Variants in ROBO2 observed in about 807,000 individuals in gnomAD.
ROBO2 encodes the protein roundabout homolog 2.
ROBO2 carries 53 observed loss-of-function variants against 160.8 expected under a neutral mutation model. The observed-to-expected ratio is 0.33, with a 90% CI of 0.26 to 0.41. The LOEUF (loss-of-function observed/expected upper bound fraction) is 0.41, where lower values mean the gene tolerates loss of function less well. ROBO2 is among the 10% of genes least tolerant of loss of function. The pLI, the probability that ROBO2 is intolerant of heterozygous loss-of-function variation, is 1.00. For missense variants in ROBO2, 1,577 were observed against 1,722.4 expected (o/e 0.92, Z 1.49); for synonymous variants, 664 against 611.7 (o/e 1.09, Z -1.26).
At chr3:76,409,020 G>T (rs2075356819) in intron 2 of ROBO2, among the ~76,000 whole-genome samples, 1 of 152,060 alleles carries the variant, frequency 6.6e-6, no homozygotes, top group Non-Finnish European at 1.5e-5. Context: ...GTATTAATAT[G>T]TGAATGACAA....
intron 2 of ROBO2, among the ~76,000 whole-genome samples, chr3:76,149,689 AAC>A (rs1343437784): frequency 3.1e-5 from 4 of 129,036 alleles, no homozygotes; most frequent in Non-Finnish European, 5.4e-5. Flanking sequence ...ATCTGTCTAA[AAC>A]ACACATCTGT....
At chr3:76,327,724 G>C (rs2073140888) in intron 2 of ROBO2, among the ~76,000 whole-genome samples, 1 of 152,128 alleles carries the variant, frequency 6.6e-6, no homozygotes, top group Non-Finnish European at 1.5e-5. Flanking sequence ...TGAATGTTAA[G>C]AAAAAGTAGG....
intron 2 of ROBO2, among the ~76,000 whole-genome samples, chr3:77,318,738 C>T (rs1435350255): frequency 6.6e-6 from 1 of 152,056 alleles, no homozygotes; most frequent in Non-Finnish European, 1.5e-5. Flanking sequence ...TGCCTAAATA[C>T]AATGCCTAGG....
intron 2 of ROBO2, among the ~76,000 whole-genome samples, chr3:77,221,790 T>C (rs1430955882): frequency 6.6e-6 from 1 of 152,082 alleles, no homozygotes; most frequent in Non-Finnish European, 1.5e-5. Flanking sequence ...AAATATGCTA[T>C]ATATTTGTTT....
At chr3:77,133,034 A>G (rs2075988690) in intron 2 of ROBO2, among the ~76,000 whole-genome samples, 1 of 152,170 alleles carries the variant, frequency 6.6e-6, no homozygotes, top group South Asian at 2.1e-4. Flanking sequence ...TACGAATAGG[A>G]GCATCTAAAT....
At chr3:76,995,986 T>G (rs1450886284) in intron 2 of ROBO2, among the ~76,000 whole-genome samples, 1 of 152,208 alleles carries the variant, frequency 6.6e-6, no homozygotes, top group African/African-American at 2.4e-5. Context: ...TTGGCTTTTG[T>G]TGCCATTGCT....
intron 2 of ROBO2, among the ~76,000 whole-genome samples, chr3:76,687,212 A>G (rs1208908259): frequency 6.6e-6 from 1 of 152,120 alleles, no homozygotes; most frequent in African/African-American, 2.4e-5. Context: ...GGTCAATAAT[A>G]CAGGCTCTGA....
At chr3:76,770,652 C>A (rs2061844155) in intron 2 of ROBO2, among the ~76,000 whole-genome samples, 1 of 150,932 alleles carries the variant, frequency 6.6e-6, no homozygotes, top group Non-Finnish European at 1.5e-5. Context: ...TATGGAGAAA[C>A]AAAGAATGTA....
At chr3:75,977,658 C>A (rs544795488) in intron 2 of ROBO2, among the ~76,000 whole-genome samples, 1 of 151,332 alleles carries the variant, frequency 6.6e-6, no homozygotes, top group Non-Finnish European at 1.5e-5. Flanking sequence ...GATGGATGAA[C>A]GCTCATGATA....
chr3:77,189,710 T>C (rs2081636410), intron 2 of ROBO2, among the ~76,000 whole-genome samples: 1 of 151,934 alleles, frequency 6.6e-6, no homozygotes, highest in East Asian at 1.9e-4. Flanking sequence ...AAAAATATAT[T>C]TTAGAGGCAA....
intron 2 of ROBO2, among the ~76,000 whole-genome samples, chr3:76,149,104 T>G (rs563908168): frequency 2.0e-5 from 3 of 152,098 alleles, no homozygotes; most frequent in African/African-American, 7.2e-5. Context: ...GTGTGTGTGA[T>G]AAAAACTGAT....
At chr3:77,600,255 A>G (rs1055411660) in intron 19 of ROBO2, among the ~76,000 whole-genome samples, 4 of 152,222 alleles carry the variant, frequency 2.6e-5, no homozygotes, top group African/African-American at 9.6e-5. Context: ...CCAAATATTC[A>G]TGTGCAATAT....
intron 2 of ROBO2, among the ~76,000 whole-genome samples, chr3:77,160,206 T>G (rs925486762): frequency 6.6e-6 from 1 of 152,150 alleles, no homozygotes; most frequent in African/African-American, 2.4e-5. Flanking sequence ...TTTATAAAAC[T>G]TATTTATTTC....
At chr3:76,333,404 C>T (rs1002402641) in intron 2 of ROBO2, among the ~76,000 whole-genome samples, 1 of 152,154 alleles carries the variant, frequency 6.6e-6, no homozygotes, top group Non-Finnish European at 1.5e-5. Flanking sequence ...ATATGTCTTG[C>T]ATTTCCATTT....
At chr3:76,289,062 A>G (rs1708673493) in intron 2 of ROBO2, among the ~76,000 whole-genome samples, 1 of 152,166 alleles carries the variant, frequency 6.6e-6, no homozygotes, top group African/African-American at 2.4e-5. Context: ...ATCTTTAAGA[A>G]ATCTCCAAAC....
At position 77,595,198 on chromosome 3, in the gene ROBO2, A is replaced by G. The variant is rs1315025070; in HGVS notation, c.2726+14A>G. On this transcript the variant is annotated intron_variant, in intron 18 of 25. Transcript: ENST00000461745. The stretch of plus-strand genomic sequence containing the variant: ...GAGCAATGGAAGGTATGCTACGGAG[A>G]TTGTTTCATTATTATTTTTATTTTT... The G allele has an allele frequency of 6.3e-7, 1 of 1,592,064 alleles. No homozygotes were observed. Among genetic ancestry groups the G allele is most frequent in the Non-Finnish European group, 8.6e-7 (1 of 1,160,690 alleles).
At chr3:76,526,634 T>C (rs1370626991) in intron 2 of ROBO2, among the ~76,000 whole-genome samples, 5 of 152,054 alleles carry the variant, frequency 3.3e-5, no homozygotes, top group Admixed American at 6.6e-5. Context: ...GGTTCTTCTA[T>C]CTATAGGTTA....
intron 2 of ROBO2, among the ~76,000 whole-genome samples, chr3:76,594,322 T>C (rs2086606276): frequency 6.6e-6 from 1 of 152,046 alleles, no homozygotes; most frequent in Admixed American, 6.6e-5. Context: ...TCACAGCAGA[T>C]ACTTTAGGAT....
intron 2 of ROBO2, among the ~76,000 whole-genome samples, chr3:77,255,378 T>C (rs547335772): frequency 6.6e-6 from 1 of 152,338 alleles, no homozygotes; most frequent in South Asian, 2.1e-4. Flanking sequence ...GCAGGGAATA[T>C]AGTAAAGCCC....
Sources: gnomAD v4.1 joint callset for allele counts (sites outside exome capture counted in the v4.1 genomes callset) on GRCh38, gnomAD v4.1.1 for gene constraint, MANE v1.5 for transcripts, NCBI Gene and HGNC (gene_info 2026-07-23, HGNC 2026-07-21) for gene names.